The following PLD5 variants were observed in gnomAD, a reference collection of about 807,000 sequenced individuals.
PLD5 encodes phospholipase D family member 5.
In PLD5, 36 loss-of-function variants were observed where a neutral mutation model predicts 61.1. The observed-to-expected ratio is 0.59, with a 90% confidence interval of 0.45 to 0.78. The LOEUF (loss-of-function observed/expected upper bound fraction) is 0.78. Among genes scored for constraint, PLD5 ranks in the 30% least tolerant of loss-of-function variants. The pLI, the probability that PLD5 is intolerant of heterozygous loss-of-function variation, is 0.00. For missense variants in PLD5, 515 were observed against 644.4 expected, an observed-to-expected ratio of 0.80 and a Z score of 2.17; for synonymous variants, 243 against 242.8, an observed-to-expected ratio of 1.00 and a Z score of -0.01.
chr1:242,134,331 G>A (rs1663533836), intron 5 of PLD5, among the ~76,000 whole-genome samples: 1 of 151,976 alleles, frequency 6.6e-6, no homozygotes, highest in Admixed American at 6.5e-5. Context: ...GGTCAGGCCT[G>A]GTTAGCCCTT....
chr1:242,192,906 T>G (rs1178282309), intron 5 of PLD5, among the ~76,000 whole-genome samples: 1 of 152,116 alleles, frequency 6.6e-6, no homozygotes, highest in Non-Finnish European at 1.5e-5. Context: ...GGAAAAGCTC[T>G]CCGGGCCTTC....
intron 1 of PLD5, among the ~76,000 whole-genome samples, chr1:242,384,135 G>A (rs910931159): frequency 6.6e-6 from 1 of 152,318 alleles, no homozygotes; most frequent in Middle Eastern, 3.4e-3. Flanking sequence ...AATCTTCTCA[G>A]GATCACCAGA....
chr1:242,453,612 A>G (rs778022462), intron 1 of PLD5, among the ~76,000 whole-genome samples: 12 of 152,198 alleles, frequency 7.9e-5, no homozygotes, highest in Non-Finnish European at 1.6e-4. Flanking sequence ...TGTACCTGCC[A>G]TTCCAAAAAG....
chr1:242,182,153 C>T (rs556863618), intron 5 of PLD5, among the ~76,000 whole-genome samples: 2 of 152,280 alleles, frequency 1.3e-5, no homozygotes, highest in East Asian at 1.9e-4. Flanking sequence ...TCTGCCTCTC[C>T]TCTCACGCAG....
chr1:242,504,159 T>A (rs1668647542), intron 1 of PLD5, among the ~76,000 whole-genome samples: 2 of 152,160 alleles, frequency 1.3e-5, no homozygotes, highest in South Asian at 4.1e-4. Flanking sequence ...CTTTGGGATA[T>A]AGAATAAACG....
chr1:242,250,071 A>G (rs988475303), intron 4 of PLD5, among the ~76,000 whole-genome samples: 9 of 152,326 alleles, frequency 5.9e-5, no homozygotes, highest in East Asian at 1.9e-4. Context: ...GGTCCCAACC[A>G]TGTCAGAACA....
At position 242,356,647 on chromosome 1, in the gene PLD5, T is replaced by C. The variant is rs186159957; in HGVS notation, c.190-8405A>G. ...ACTTTCTTTCTTTCTTCCTGTCTTG[T>C]TGTTTTCCTTTATAGTTTGCTATGG... On this transcript the variant is annotated intron_variant, in intron 1 of 9. Transcript: ENST00000536534. Among the ~76,000 whole-genome samples the C allele has an allele frequency of 3.2e-3, 489 of 151,768 alleles. 5 individuals carry two copies. Among genetic ancestry groups the C allele is most frequent in the African/African-American group, 0.011 (475 of 41,372 alleles).
At chr1:242,479,730 G>T (rs1351678191) in intron 1 of PLD5, among the ~76,000 whole-genome samples, 2 of 152,030 alleles carry the variant, frequency 1.3e-5, no homozygotes, top group African/African-American at 2.4e-5. Flanking sequence ...CTTTGAGGAT[G>T]AGGACCATAG....
chr1:242,132,946 C>G (rs887533488), intron 5 of PLD5, among the ~76,000 whole-genome samples: 2 of 151,966 alleles, frequency 1.3e-5, no homozygotes, highest in Non-Finnish European at 2.9e-5. Context: ...AAAAGGAAAA[C>G]CCCACCACTC....
intron 5 of PLD5, among the ~76,000 whole-genome samples, chr1:242,143,195 T>A (rs1346029796): frequency 2.0e-5 from 3 of 151,698 alleles, no homozygotes; most frequent in African/African-American, 4.8e-5. Flanking sequence ...GCCAGCTATG[T>A]TTTTTTCTTT....
chr1:242,526,528 C>CG (rs1669452137), upstream of PLD5, among the ~76,000 whole-genome samples: 1 of 152,156 alleles, frequency 6.6e-6, no homozygotes, highest in African/African-American at 2.4e-5. Context: ...CTCCGCCTCC[C>CG]GGGTTCAAGC....
intron 5 of PLD5, among the ~76,000 whole-genome samples, chr1:242,129,764 C>T (rs1174951087): frequency 6.6e-6 from 1 of 152,138 alleles, no homozygotes; most frequent in African/African-American, 2.4e-5. Context: ...ACATTGTACT[C>T]ATTAATTTCT....
At chr1:242,214,871 CTTTTTTTTTTT>C (rs71570942) in intron 5 of PLD5, among the ~76,000 whole-genome samples, 12 of 92,458 alleles carry the variant, frequency 1.3e-4, no homozygotes, top group African/African-American at 5.9e-4. Flanking sequence ...CATTAAACAC[CTTTTTTTTTTT>C]TTTTTTTTTT....
chr1:242,510,766 C>A (rs1668881584), intron 1 of PLD5, among the ~76,000 whole-genome samples: 2 of 152,006 alleles, frequency 1.3e-5, no homozygotes, highest in Admixed American at 6.5e-5. Flanking sequence ...AATGGCATGA[C>A]CCCGGGAGGC....
chr1:242,494,097 T>TCCC (rs1668278283), intron 1 of PLD5, among the ~76,000 whole-genome samples: 1 of 58,240 alleles, frequency 1.7e-5, no homozygotes, highest in African/African-American at 7.4e-5. Flanking sequence ...TCCCTTCCCC[T>TCCC]CTCCTCCCCT....
At chr1:242,430,907 C>T (rs1166123688) in intron 1 of PLD5, among the ~76,000 whole-genome samples, 1 of 152,164 alleles carries the variant, frequency 6.6e-6, no homozygotes, top group Non-Finnish European at 1.5e-5. Context: ...CCTGCAGCGC[C>T]TCCTGAGTGA....
At position 242,256,449 on chromosome 1, in the gene PLD5, A is replaced by C. The variant is rs1035050096; in HGVS notation, c.607+8888T>G. On this transcript the variant is annotated intron_variant, in intron 4 of 9. Coordinates refer to ENST00000536534, the MANE Select transcript of PLD5 (RefSeq NM_001372062.1). This position sits in a 1 kb window ranked among gnomAD's most constrained non-coding sequence, Gnocchi z 5.7. ...CAGTATTAAGTGGTGGGGTCTTTGGAAAGTGACTGAGTCACGAATGTATTG... is the reference window on the plus strand; with the variant it reads ...CAGTATTAAGTGGTGGGGTCTTTGGCAAGTGACTGAGTCACGAATGTATTG... 6.6e-6 allele frequency among the ~76,000 whole-genome samples: 1 copy of C among 152,318 alleles called. No individual in the cohort carries two copies. Among genetic ancestry groups the C allele is most frequent in the African/African-American group, 2.4e-5 (1 of 41,568 alleles).
intron 3 of PLD5, among the ~76,000 whole-genome samples, chr1:242,286,040 T>C (rs56379424): frequency 0.014 from 2,076 of 151,836 alleles, 27 homozygotes; most frequent in African/African-American, 0.027. Context: ...ACCCAGGAGG[T>C]GGAGGTTGCA....
chr1:242,221,962 T>C (rs1440928429), intron 4 of PLD5, among the ~76,000 whole-genome samples: 2 of 152,134 alleles, frequency 1.3e-5, no homozygotes, highest in Non-Finnish European at 2.9e-5. Context: ...GTTCTGGAGG[T>C]TAGAAGTCCA....
Sources: allele counts gnomAD v4.1 joint callset (sites outside exome capture counted in the v4.1 genomes callset), GRCh38; gene constraint gnomAD v4.1.1; non-coding constraint Gnocchi (gnomAD v3.1); transcripts MANE v1.5; gene names NCBI Gene and HGNC (gene_info 2026-07-23, HGNC 2026-07-21).